The following GLIS3 variants were observed in gnomAD, a reference collection of about 807,000 sequenced individuals.
GLIS3 encodes the protein GLIS family zinc finger 3.
GLIS3 carries 53 observed loss-of-function variants against 78.6 expected under a neutral mutation model. The ratio of observed to expected loss-of-function variants is 0.67; its 90% confidence interval spans 0.54 to 0.85. GLIS3 has a LOEUF of 0.85. Ranked by LOEUF, GLIS3 falls within the 40% of genes least tolerant of loss-of-function variation. The pLI is 0.00. For missense variants in GLIS3, 1,703 were observed against 1,231.1 expected, an observed-to-expected ratio of 1.38 and a Z score of -5.74; for synonymous variants, 684 against 509.9, an observed-to-expected ratio of 1.34 and a Z score of -4.60.
chr9:4,033,135 G>C (rs937628960), intron 4 of GLIS3, among the ~76,000 whole-genome samples: 1 of 152,096 alleles, frequency 6.6e-6, no homozygotes, highest in Non-Finnish European at 1.5e-5. Context: ...TTACAGGTGT[G>C]AGCCACCACA....
intron 2 of GLIS3, among the ~76,000 whole-genome samples, chr9:4,237,480 G>C (rs928119177): frequency 6.6e-6 from 1 of 152,150 alleles, no homozygotes; most frequent in Non-Finnish European, 1.5e-5. Context: ...AGATGAAATC[G>C]CTACTTCAGG....
chr9:4,285,007 G>C (rs1032253680), intron 2 of GLIS3, among the ~76,000 whole-genome samples: 3 of 151,972 alleles, frequency 2.0e-5, no homozygotes, highest in Admixed American at 2.0e-4. Context: ...TCCAAACACA[G>C]AAATACACAG....
At chr9:4,167,906 C>G (rs569704380) in intron 2 of GLIS3, among the ~76,000 whole-genome samples, 1 of 152,320 alleles carries the variant, frequency 6.6e-6, no homozygotes. Flanking sequence ...GATTACTCCT[C>G]TACACTGGCC....
At chr9:3,916,190 T>C (rs992014597) in intron 6 of GLIS3, among the ~76,000 whole-genome samples, 2 of 152,204 alleles carry the variant, frequency 1.3e-5, no homozygotes, top group Non-Finnish European at 2.9e-5. Flanking sequence ...GCACATGCCT[T>C]TGTGAAACTC....
chr9:3,826,923 G>C lies in GLIS3; in HGVS notation c.*1349C>G, dbSNP rs997632125. The C allele has an allele frequency of 1.3e-5, 2 of 152,184 alleles. No homozygotes were observed. Among genetic ancestry groups the C allele is most frequent in the Non-Finnish European group, 2.9e-5 (2 of 68,042 alleles). The allele number at this position is 152,184 out of a possible 1,614,324, so 9.4% of individuals were successfully genotyped here. A position where few individuals can be genotyped will look rare whatever the true frequency, so the allele number is the denominator to read the frequency against. On this transcript the variant is annotated 3_prime_UTR_variant, in exon 11 of 11. Transcript: ENST00000381971. The stretch of plus-strand genomic sequence containing the variant: ...TTTATAGCTGATGCCCTAGGACTTA[G>C]GATCTGTAATAGCTATGTAGAGGTG...
intron 4 of GLIS3, among the ~76,000 whole-genome samples, chr9:4,018,016 T>G (rs1411140877): frequency 1.3e-5 from 2 of 152,168 alleles, no homozygotes; most frequent in Admixed American, 1.3e-4. Context: ...GGAACCTACT[T>G]CTAATAAAAC....
intron 6 of GLIS3, among the ~76,000 whole-genome samples, chr9:3,903,684 T>G (rs962944201): frequency 6.6e-6 from 1 of 152,076 alleles, no homozygotes; most frequent in Non-Finnish European, 1.5e-5. Context: ...TTCAGAGAAG[T>G]TTACATTCTA....
At position 4,189,177 on chromosome 9, in the gene GLIS3, A is replaced by T. The variant is rs1818095472; in HGVS notation, c.389-63236T>A. Reference sequence around the variant, plus strand: ...CTACACACTGCTTTGAATGTGTCCCAGAGATTCTGGTATGTTGTGTCTTTG... The same window carrying T: ...CTACACACTGCTTTGAATGTGTCCCTGAGATTCTGGTATGTTGTGTCTTTG... On this transcript the variant is annotated intron_variant, in intron 2 of 10. Transcript: ENST00000381971. 2.0e-5 allele frequency among the ~76,000 whole-genome samples: 3 copies of T among 151,534 alleles called. No individual in the cohort carries two copies. In the South Asian group the frequency reaches 6.4e-4, roughly 32 times the overall value.
chr9:4,409,110 G>C, the GLIS3 span, among the ~76,000 whole-genome samples: 1 of 152,146 alleles, frequency 6.6e-6, no homozygotes, highest in Non-Finnish European at 1.5e-5. Context: ...AGTCTTGTAT[G>C]GGAAATGTTG....
At chr9:4,021,314 T>C (rs971028668) in intron 4 of GLIS3, among the ~76,000 whole-genome samples, 1 of 152,208 alleles carries the variant, frequency 6.6e-6, no homozygotes, top group Non-Finnish European at 1.5e-5. Flanking sequence ...AAATGATTTA[T>C]AACATTTTAT....
intron 2 of GLIS3, among the ~76,000 whole-genome samples, chr9:4,217,653 A>G (rs1334539992): frequency 2.6e-5 from 4 of 152,214 alleles, no homozygotes; most frequent in Non-Finnish European, 5.9e-5. Context: ...GAACTCTGAA[A>G]AGATAAAGCC....
At chr9:4,347,388 C>T (rs956478136) in intron 1 of GLIS3, among the ~76,000 whole-genome samples, 1 of 152,120 alleles carries the variant, frequency 6.6e-6, no homozygotes, top group Non-Finnish European at 1.5e-5. Flanking sequence ...CACATTTCAA[C>T]ATGAAGTTTA....
rs1278072992 is a variant in GLIS3, at chr9:3,898,512, C to T, written c.2128+179G>A. 8 of 709,802 alleles carry T rather than the reference C, an allele frequency of 1.1e-5. No homozygotes were observed. The South Asian group carries it at 1.2e-4, about 11-fold the overall frequency. 44.0% of individuals were successfully genotyped at this position (709,802 alleles called of 1,614,324 possible). A position where few individuals can be genotyped will look rare whatever the true frequency, so the allele number is the denominator to read the frequency against. ...TATTTTATTTCTTTATGAGAAAAAA[C>T]AATCTGCTGCCACACCCAGCTCAGG... On this transcript the variant is annotated intron_variant, in intron 7 of 10. Coordinates refer to ENST00000381971, the MANE Select transcript of GLIS3 (RefSeq NM_001042413.2).
chr9:3,981,409 G>A (rs1460976032), intron 4 of GLIS3, among the ~76,000 whole-genome samples: 1 of 152,134 alleles, frequency 6.6e-6, no homozygotes, highest in African/African-American at 2.4e-5. Flanking sequence ...GACCTTGGGA[G>A]AACTGTCTAA....
intron 7 of GLIS3, among the ~76,000 whole-genome samples, chr9:3,883,708 C>A (rs58985862): frequency 0.016 from 2,485 of 152,254 alleles, 68 homozygotes; most frequent in African/African-American, 0.057. Context: ...GTGTCAACTC[C>A]GGGGTCATTA....
rs1168321938 is a variant in GLIS3 at position 3,828,237 on chromosome 9, AGGTCCTGGGTGTGC to A, written c.*21_*34del. On this transcript the variant is annotated 3_prime_UTR_variant, in exon 11 of 11. Coordinates refer to ENST00000381971, the MANE Select transcript of GLIS3 (RefSeq NM_001042413.2). ...AAACAAAAGGTGGCAAGCAACATCA[AGGTCCTGGGTGTGC>A]AGGAGTGGCCAAGAGAGCTTTTAGC... The A allele has an allele frequency of 6.2e-7, 1 of 1,613,512 alleles. No homozygotes were observed. Among genetic ancestry groups the A allele is most frequent in the South Asian group, 1.1e-5 (1 of 91,062 alleles).
intron 4 of GLIS3, among the ~76,000 whole-genome samples, chr9:4,105,356 G>C (rs1036877497): frequency 3.3e-5 from 5 of 152,188 alleles, no homozygotes; most frequent in Non-Finnish European, 7.4e-5. Context: ...ACAGCTGTTT[G>C]ACAAGTGCAG....
At chr9:4,293,264 T>G (rs1290109553) in intron 1 of GLIS3, among the ~76,000 whole-genome samples, 1 of 152,194 alleles carries the variant, frequency 6.6e-6, no homozygotes, top group Admixed American at 6.5e-5. Context: ...AGAAATAAAA[T>G]TTATCACTCA....
chr9:4,199,971 A>G (rs894613543), intron 2 of GLIS3, among the ~76,000 whole-genome samples: 3 of 152,246 alleles, frequency 2.0e-5, no homozygotes, highest in Admixed American at 1.3e-4. Flanking sequence ...CTTGGACCAC[A>G]GTGGAATAAA....
Sources: allele counts gnomAD v4.1 joint callset (sites outside exome capture counted in the v4.1 genomes callset), GRCh38; gene constraint gnomAD v4.1.1; transcripts MANE v1.5; gene names NCBI Gene and HGNC (gene_info 2026-07-23, HGNC 2026-07-21).